Variants in ERBB4 observed in about 807,000 individuals in gnomAD.
ERBB4 encodes the protein erb-b2 receptor tyrosine kinase 4, also known as receptor tyrosine-protein kinase erbB-4.
ERBB4 carries 42 observed loss-of-function variants against 158.0 expected under a neutral mutation model. That is an observed-to-expected ratio of 0.27 (90% CI 0.21 to 0.34). The LOEUF is 0.34. ERBB4 is among the 10% of genes least tolerant of loss of function. The probability of loss-of-function intolerance (pLI) is 1.00; values close to 1 mark genes in which losing one functional copy is unlikely to be tolerated. For missense variants in ERBB4, 1,333 were observed against 1,624.1 expected (o/e 0.82, Z 3.08); for synonymous variants, 583 against 558.7 (o/e 1.04, Z -0.61).
intron 6 of ERBB4, among the ~76,000 whole-genome samples, chr2:211,723,167 AG>A (rs1348264770): frequency 6.6e-6 from 1 of 152,190 alleles, no homozygotes; most frequent in Non-Finnish European, 1.5e-5. Flanking sequence ...ATTTAGTAAA[AG>A]CTACCATGTA....
intron 3 of ERBB4, among the ~76,000 whole-genome samples, chr2:211,848,989 A>G (rs1324411873): frequency 1.3e-5 from 2 of 152,092 alleles, no homozygotes; most frequent in African/African-American, 4.8e-5. Flanking sequence ...CTCAGCAGGT[A>G]ATGGTTCAAA....
At chr2:211,515,700 A>T (rs2066004062) in intron 20 of ERBB4, among the ~76,000 whole-genome samples, 1 of 150,688 alleles carries the variant, frequency 6.6e-6, no homozygotes, top group Non-Finnish European at 1.5e-5. Flanking sequence ...ATGGCAGGGC[A>T]AAGAACAATC....
At position 212,246,466 on chromosome 2, in the gene ERBB4, T is replaced by C. The variant is rs13408574; in HGVS notation, c.83-121563A>G. 5.6e-3 allele frequency among the ~76,000 whole-genome samples: 849 copies of C among 152,272 alleles called. 10 individuals carry two copies. The highest frequency in any genetic ancestry group is 0.018 in the African/African-American group (745 of 41,548). On this transcript the variant is annotated intron_variant, in intron 1 of 27. Transcript: ENST00000342788. Reference sequence around the variant, plus strand: ...CATTTATTTATTCAACAAATATGTATTGAATATAATTAAATGAAAAAGCTC... The same window carrying C: ...CATTTATTTATTCAACAAATATGTACTGAATATAATTAAATGAAAAAGCTC...
chr2:211,805,726 T>C (rs778139950), intron 3 of ERBB4, among the ~76,000 whole-genome samples: 6 of 152,090 alleles, frequency 3.9e-5, no homozygotes, highest in South Asian at 2.1e-4. Flanking sequence ...ATACCAAAAA[T>C]AGATAATTCA....
intron 23 of ERBB4, among the ~76,000 whole-genome samples, chr2:211,422,324 GAT>G (rs2063530117): frequency 1.3e-5 from 2 of 151,906 alleles, no homozygotes; most frequent in Admixed American, 1.3e-4. Flanking sequence ...TAAAACAAAA[GAT>G]AAATTTTTTC....
At chr2:212,223,090 A>G (rs1264112498) in intron 1 of ERBB4, among the ~76,000 whole-genome samples, 1 of 151,524 alleles carries the variant, frequency 6.6e-6, no homozygotes, top group Non-Finnish European at 1.5e-5. Flanking sequence ...TGGGGCATGC[A>G]TATAAAAACA....
At chr2:212,417,990 A>G (rs1214515759) in intron 1 of ERBB4, among the ~76,000 whole-genome samples, 2 of 151,782 alleles carry the variant, frequency 1.3e-5, no homozygotes, top group African/African-American at 2.4e-5. Context: ...AAAAAGAGAA[A>G]GAGGCACCAG....
At chr2:212,431,798 C>T (rs141037167) in intron 1 of ERBB4, among the ~76,000 whole-genome samples, 1 of 152,146 alleles carries the variant, frequency 6.6e-6, no homozygotes, top group African/African-American at 2.4e-5. Context: ...CATGCTTTCA[C>T]CAGCATCTTC....
intron 1 of ERBB4, among the ~76,000 whole-genome samples, chr2:212,143,735 C>A (rs560013881): frequency 6.6e-6 from 1 of 151,970 alleles, no homozygotes; most frequent in South Asian, 2.1e-4. Flanking sequence ...TTAATTAGAT[C>A]GGCTGGACAT....
chr2:211,940,553 T>A (rs780921298), intron 3 of ERBB4, among the ~76,000 whole-genome samples: 86 of 152,142 alleles, frequency 5.7e-4, no homozygotes, highest in Non-Finnish European at 1.1e-3. Context: ...AGAAATTCCA[T>A]AATGCTAGGC....
chr2:212,176,015 T>G (rs1379673842), intron 1 of ERBB4, among the ~76,000 whole-genome samples: 1 of 152,038 alleles, frequency 6.6e-6, no homozygotes, highest in Non-Finnish European at 1.5e-5. Flanking sequence ...CAAATTGCTT[T>G]TGTTCTTAAC....
intron 3 of ERBB4, among the ~76,000 whole-genome samples, chr2:211,801,916 TA>T (rs1487178552): frequency 1.3e-5 from 2 of 152,144 alleles, no homozygotes; most frequent in Admixed American, 1.3e-4. Flanking sequence ...TCATGCTACC[TA>T]GCTGAGATGC....
chr2:211,845,795 T>C (rs2077574309), intron 3 of ERBB4, among the ~76,000 whole-genome samples: 1 of 152,174 alleles, frequency 6.6e-6, no homozygotes, highest in Non-Finnish European at 1.5e-5. Flanking sequence ...CAATCTTATC[T>C]ACTTTTTGTC....
At chr2:212,057,788 G>A (rs1346650932) in intron 2 of ERBB4, among the ~76,000 whole-genome samples, 1 of 152,174 alleles carries the variant, frequency 6.6e-6, no homozygotes, top group East Asian at 1.9e-4. Context: ...GCAGTGTGTA[G>A]AGGGAAATTT....
chr2:211,416,108 T>A (rs2063384647), intron 25 of ERBB4, among the ~76,000 whole-genome samples: 1 of 152,198 alleles, frequency 6.6e-6, no homozygotes, highest in Admixed American at 6.5e-5. Context: ...AATGACTGGA[T>A]GGGCTTGCAA....
chr2:212,260,450 C>A (rs13022952), intron 1 of ERBB4, among the ~76,000 whole-genome samples: 17,301 of 152,240 alleles, frequency 0.11, 1,257 homozygotes, highest in South Asian at 0.31. Context: ...AACATTTGGT[C>A]TATAGCATTA....
intron 25 of ERBB4, among the ~76,000 whole-genome samples, chr2:211,390,595 T>C (rs772242234): frequency 1.3e-5 from 2 of 152,224 alleles, no homozygotes; most frequent in African/African-American, 2.4e-5. Context: ...ATTATCTATA[T>C]TCATTATCTG....
intron 25 of ERBB4, among the ~76,000 whole-genome samples, chr2:211,395,662 T>C (rs2062898182): frequency 6.6e-6 from 1 of 152,058 alleles, no homozygotes. Flanking sequence ...AAGACGTTTA[T>C]TAGACAAATG....
chr2:212,003,215 A>AAC (rs1559294215), intron 2 of ERBB4, among the ~76,000 whole-genome samples: 2 of 47,278 alleles, frequency 4.2e-5, no homozygotes, highest in African/African-American at 1.1e-4. Flanking sequence ...GACAGAAAGA[A>AAC]GGAAGGAAGG....
Sources: gnomAD v4.1 joint callset for allele counts (sites outside exome capture counted in the v4.1 genomes callset) on GRCh38, gnomAD v4.1.1 for gene constraint, MANE v1.5 for transcripts, NCBI Gene and HGNC (gene_info 2026-07-23, HGNC 2026-07-21) for gene names.